Variants in AKAP10 observed in about 807,000 individuals in gnomAD.
AKAP10 encodes the protein A-kinase anchoring protein 10, also known as A-kinase anchor protein 10, mitochondrial.
AKAP10 carries 24 observed loss-of-function variants against 80.8 expected under a neutral mutation model. The observed-to-expected ratio is 0.30, with a 90% CI of 0.22 to 0.42. The LOEUF is 0.42. Ranked by LOEUF, AKAP10 falls within the 10% of genes least tolerant of loss-of-function variation. AKAP10 has a pLI of 1.00. For missense variants in AKAP10, 661 were observed against 794.9 expected (o/e 0.83, Z 2.03); for synonymous variants, 291 against 277.7 (o/e 1.05, Z -0.48).
chr17:19,968,519 C>T (rs2043452907), intron 1 of AKAP10, 58 bp from the exon 2 acceptor site: 3 of 1,396,046 alleles, frequency 2.1e-6, no homozygotes, highest in South Asian at 1.2e-5. Flanking sequence ...CATTCTATAA[C>T]ACTGTAAAAA....
chr17:19,929,984 GACA>G (rs1447685625), intron 10 of AKAP10, among the ~76,000 whole-genome samples: 2 of 87,394 alleles, frequency 2.3e-5, no homozygotes, highest in African/African-American at 9.2e-5. Flanking sequence ...CTCAAACAAT[GACA>G]ACAACAAAAA....
In AKAP10 at chr17:19,951,914, TA is replaced by T. The variant is rs759583171; in HGVS notation, c.878-4410del. Among the ~76,000 whole-genome samples, 704 of 85,940 alleles carry T rather than the reference TA, an allele frequency of 8.2e-3. 2 individuals carry two copies. The highest frequency in any genetic ancestry group is 0.019 in the Middle Eastern group (3 of 160). The allele number at this position is 85,940 out of a possible 152,430, so 56.4% of individuals were successfully genotyped here. A position where few individuals can be genotyped will look rare whatever the true frequency, so the allele number is the denominator to read the frequency against. ...ACAAATACTAAAAAAAAATAAGAAT[TA>T]AAAAAAAAAAAAAAGCAAAAAAGGG... On this transcript the variant is annotated intron_variant, in intron 4 of 14. Coordinates refer to ENST00000225737, the MANE Select transcript of AKAP10 (RefSeq NM_007202.4).
At chr17:19,913,470 A>G (rs941862364) in intron 12 of AKAP10, among the ~76,000 whole-genome samples, 10 of 152,006 alleles carry the variant, frequency 6.6e-5, no homozygotes, top group Admixed American at 5.2e-4. Context: ...TGTATTTTTA[A>G]TAGAGGCAAG....
chr17:19,914,967 A>T (rs2042729658), intron 12 of AKAP10, among the ~76,000 whole-genome samples: 1 of 152,232 alleles, frequency 6.6e-6, no homozygotes, highest in African/African-American at 2.4e-5. Context: ...GCTAGATTTC[A>T]TTCCAAATGC....
chr17:19,934,632 C>T (rs2042973502), intron 9 of AKAP10, among the ~76,000 whole-genome samples: 1 of 152,278 alleles, frequency 6.6e-6, no homozygotes, highest in South Asian at 2.1e-4. Context: ...ATTTTATATA[C>T]ATTACCTTAC....
chr17:19,936,406 A>G lies in AKAP10; in HGVS notation c.1347T>C (p.His449=). The G allele has an allele frequency of 6.2e-7, 1 of 1,612,518 alleles. No homozygotes were observed. The highest frequency in any genetic ancestry group is 1.3e-5 in the African/African-American group (1 of 75,024). ...YDKYFSLQAT[H]PLGFDDVVRL... The stretch of plus-strand genomic sequence containing the variant: ...GTACAACATCATCAAATCCAAGAGG[A>G]TGTGTGGCTTGGAGGGAGAAGTACC... The change falls in exon 9 of 15, where the codon CAT becomes CAC. Residue 449 remains histidine, a synonymous_variant. Coordinates refer to ENST00000225737, the MANE Select transcript of AKAP10 (RefSeq NM_007202.4).
chr17:19,937,898 G>A (rs1453884222), intron 8 of AKAP10, among the ~76,000 whole-genome samples: 1 of 150,572 alleles, frequency 6.6e-6, no homozygotes, highest in Admixed American at 6.6e-5. Context: ...TATCTGGTAT[G>A]TCTTCTAAAA....
At position 19,906,938 on chromosome 17, in the gene AKAP10, C is replaced by T. The variant is rs1378286443; in HGVS notation, c.1984-706G>A. On this transcript the variant is annotated intron_variant, in intron 14 of 14. Coordinates refer to ENST00000225737, the MANE Select transcript of AKAP10 (RefSeq NM_007202.4). Reference sequence around the variant, plus strand: ...GATCTACTAATGAGGACATGAGGAACTAAAGTAGTCACCTGCAAAAGGTCA... The same window carrying T: ...GATCTACTAATGAGGACATGAGGAATTAAAGTAGTCACCTGCAAAAGGTCA... 2.0e-5 allele frequency among the ~76,000 whole-genome samples: 3 copies of T among 151,970 alleles called. No individual in the cohort carries two copies. In the East Asian group the frequency reaches 5.8e-4, roughly 29 times the overall value.
intron 5 of AKAP10, among the ~76,000 whole-genome samples, chr17:19,946,261 ATATATATATATATATTTTTTTT>A (rs1567765872): frequency 1.2e-4 from 3 of 25,752 alleles, no homozygotes; most frequent in African/African-American, 5.0e-4. Flanking sequence ...ATATATATAT[ATATATATATATATATTTTTTTT>A]TTTTTTTTTT....
rs534671579 is a variant in AKAP10, at chr17:19,950,462, G to A, written c.878-2957C>T. On this transcript the variant is annotated intron_variant, in intron 4 of 14. Transcript: ENST00000225737. ...GTGCCTGGGATTGCAGGCGCACGCC[G>A]CCACACCTGACTGGTTTTTGCATTT... Among the ~76,000 whole-genome samples the A allele has an allele frequency of 5.6e-4, 85 of 152,322 alleles. 1 individual carries two copies. Among genetic ancestry groups the A allele is most frequent in the African/African-American group, 1.8e-3 (76 of 41,588 alleles).
chr17:19,960,051 G>A (rs771653033), intron 3 of AKAP10, among the ~76,000 whole-genome samples: 20 of 152,016 alleles, frequency 1.3e-4, no homozygotes, highest in Non-Finnish European at 2.5e-4. Context: ...GTTCAAGACC[G>A]GCCTGGGGAA....
At chr17:19,976,606 G>A (rs1394291010) in intron 1 of AKAP10, among the ~76,000 whole-genome samples, 1 of 151,558 alleles carries the variant, frequency 6.6e-6, no homozygotes, top group Non-Finnish European at 1.5e-5. Flanking sequence ...CGCAACCTCC[G>A]CCTCCCAGGT....
At chr17:19,916,037 G>A (rs1003896035) in intron 12 of AKAP10, among the ~76,000 whole-genome samples, 3 of 152,002 alleles carry the variant, frequency 2.0e-5, no homozygotes, top group Admixed American at 6.6e-5. Flanking sequence ...CCAGCCACAC[G>A]GGGCTTGCTG....
chr17:19,943,989 T>A (rs574800174), intron 5 of AKAP10, among the ~76,000 whole-genome samples: 1 of 124,858 alleles, frequency 8.0e-6, no homozygotes, highest in East Asian at 2.6e-4. Flanking sequence ...AGAAACTGAG[T>A]TTTTTTTTTT....
chr17:19,914,484 G>C (rs1029482498), intron 12 of AKAP10, among the ~76,000 whole-genome samples: 1 of 151,794 alleles, frequency 6.6e-6, no homozygotes, highest in Non-Finnish European at 1.5e-5. Context: ...TCTACAAAAA[G>C]TAAAATAATA....
chr17:19,946,460 C>T (rs2043133622), intron 5 of AKAP10, among the ~76,000 whole-genome samples: 2 of 146,950 alleles, frequency 1.4e-5, no homozygotes, highest in Non-Finnish European at 3.0e-5. Context: ...CTCTGTGCTT[C>T]AGTTTCTTCA....
chr17:19,962,479 A>C (rs920570851), intron 3 of AKAP10, among the ~76,000 whole-genome samples: 1 of 152,220 alleles, frequency 6.6e-6, no homozygotes, highest in African/African-American at 2.4e-5. Flanking sequence ...ATTTCCCTGC[A>C]TCTTCACTGA....
In AKAP10 at chr17:19,938,740, T is replaced by C. The variant is rs1444105879; in HGVS notation, c.1322+973A>G. Among the ~76,000 whole-genome samples, 3 of 151,912 alleles carry C rather than the reference T, an allele frequency of 2.0e-5. 1 individual carries two copies. In the South Asian group the frequency reaches 6.2e-4, roughly 32 times the overall value. On this transcript the variant is annotated intron_variant, in intron 8 of 14. Transcript: ENST00000225737. ...TAACAAATTACCTTTGTTGTTTTTT[T>C]TTTTTTTGGAGACAGGGTCTCACTC...
intron 1 of AKAP10, among the ~76,000 whole-genome samples, 159 bp from the exon 2 acceptor site, chr17:19,968,620 G>C (rs188074080): frequency 9.8e-5 from 15 of 152,302 alleles, no homozygotes; most frequent in African/African-American, 3.4e-4. Context: ...TGTCAGCAAA[G>C]GCTTCTCTAA....
Sources: allele counts gnomAD v4.1 joint callset (sites outside exome capture counted in the v4.1 genomes callset), GRCh38; gene constraint gnomAD v4.1.1; transcripts MANE v1.5; gene names NCBI Gene and HGNC (gene_info 2026-07-23, HGNC 2026-07-21).